Variants in RB1 observed in about 807,000 individuals in gnomAD.
RB1 encodes RB transcriptional corepressor 1.
A neutral mutation model predicts 135.4 loss-of-function variants in RB1; 18 were observed. The observed-to-expected ratio is 0.13, with a 90% confidence interval of 0.09 to 0.20. RB1 has a LOEUF of 0.20. Ranked by LOEUF, RB1 falls within the 10% of genes least tolerant of loss-of-function variation. RB1 has a pLI of 1.00. For missense variants in RB1, 868 were observed against 1,110.0 expected (o/e 0.78, Z 3.10); for synonymous variants, 365 against 373.2 (o/e 0.98, Z 0.25).
Position 48,465,976 on chromosome 13 carries a change from G to C in RB1, c.2489+608G>C, listed in dbSNP as rs1036631827. 9.9e-3 allele frequency among the ~76,000 whole-genome samples: 1,424 copies of C among 144,406 alleles called. 24 individuals carry two copies. Among genetic ancestry groups the C allele is most frequent in the African/African-American group, 0.034 (1,360 of 40,280 alleles). The allele number at this position is 144,406 out of a possible 152,430, so 94.7% of individuals were successfully genotyped here. ...CAAACTGCAAGGCGGCAGCGAGGCT[G>C]GGGGAGGGGCGCCTGCCATTGCCCA... On this transcript the variant is annotated intron_variant, in intron 23 of 26. Coordinates refer to ENST00000267163, the MANE Select transcript of RB1 (RefSeq NM_000321.3).
At position 48,367,676 on chromosome 13, in the gene RB1, CTT is replaced by C. The variant is rs558194584; in HGVS notation, c.1049+75_1049+76del. The C allele has an allele frequency of 3.0e-4, 453 of 1,519,208 alleles. 2 individuals are homozygous for C. The African/African-American group carries it at 5.4e-3, about 18-fold the overall frequency. 94.1% of individuals were successfully genotyped at this position (1,519,208 alleles called of 1,614,324 possible). Reference sequence around the variant, plus strand: ...TACTGATATAGGTAGATTATATAGTCTTTAGCTTAGTGACCTTTAGATATCAT... The same window carrying C: ...TACTGATATAGGTAGATTATATAGTCTAGCTTAGTGACCTTTAGATATCAT... On this transcript the variant is annotated intron_variant, in intron 10 of 26. Transcript: ENST00000267163.
At chr13:48,329,020 C>G (rs1044082009) in intron 2 of RB1, among the ~76,000 whole-genome samples, 4 of 151,994 alleles carry the variant, frequency 2.6e-5, no homozygotes, top group Non-Finnish European at 5.9e-5. Context: ...ATTTTAAAGG[C>G]CTGATAGTCA....
intron 2 of RB1, among the ~76,000 whole-genome samples, chr13:48,312,962 A>G (rs542474561): frequency 2.0e-5 from 3 of 152,086 alleles, no homozygotes; most frequent in South Asian, 4.1e-4. Context: ...ACACCCTCCC[A>G]TGCTCCCACC....
chr13:48,459,121 C>CT (rs1949379811), intron 19 of RB1, among the ~76,000 whole-genome samples: 1 of 152,192 alleles, frequency 6.6e-6, no homozygotes, highest in Non-Finnish European at 1.5e-5. Context: ...TCCTCCACTA[C>CT]TTCCCACCTC....
intron 2 of RB1, among the ~76,000 whole-genome samples, chr13:48,321,083 C>G (rs1000351326): frequency 4.6e-5 from 7 of 152,132 alleles, no homozygotes; most frequent in African/African-American, 1.7e-4. Flanking sequence ...CCTCTCTCTG[C>G]TTTTTAAATA....
intron 17 of RB1, among the ~76,000 whole-genome samples, chr13:48,413,853 T>G (rs1439071445): frequency 6.6e-6 from 1 of 152,226 alleles, no homozygotes; most frequent in African/African-American, 2.4e-5. Flanking sequence ...TTTTTAACCT[T>G]AAATTGATTG....
chr13:48,402,730 T>A (rs79977660), intron 17 of RB1, among the ~76,000 whole-genome samples: 2,801 of 152,204 alleles, frequency 0.018, 106 homozygotes, highest in African/African-American at 0.065. Flanking sequence ...TGCAGGTCCA[T>A]TTTTTCCCCT....
chr13:48,314,224 T>A (rs1199896479), intron 2 of RB1, among the ~76,000 whole-genome samples: 2 of 152,190 alleles, frequency 1.3e-5, no homozygotes, highest in African/African-American at 2.4e-5. Context: ...TTTGTCAATT[T>A]CTGTTTTAAA....
At chr13:48,409,951 T>C (rs1319729824) in intron 17 of RB1, among the ~76,000 whole-genome samples, 2 of 152,200 alleles carry the variant, frequency 1.3e-5, no homozygotes, top group Admixed American at 1.3e-4. Context: ...TTTTCTAAAG[T>C]ATACCTCAGA....
intron 2 of RB1, chr13:48,333,123 T>C (rs908748310): frequency 1.0e-5 from 4 of 398,018 alleles, no homozygotes; most frequent in African/African-American, 8.2e-5. Context: ...TCTTATTGTA[T>C]AGATGTATCA....
chr13:48,313,951 G>A (rs1247986843), intron 2 of RB1, among the ~76,000 whole-genome samples: 4 of 151,970 alleles, frequency 2.6e-5, no homozygotes, highest in Admixed American at 2.6e-4. Flanking sequence ...GGGTTTCACT[G>A]TGTTAGCCAG....
chr13:48,321,776 A>G (rs1952244134), intron 2 of RB1, among the ~76,000 whole-genome samples: 1 of 152,118 alleles, frequency 6.6e-6, no homozygotes, highest in Non-Finnish European at 1.5e-5. Flanking sequence ...GAATGACATG[A>G]ACCCAGGAGG....
intron 17 of RB1, among the ~76,000 whole-genome samples, chr13:48,390,585 T>C (rs981438445): frequency 6.6e-6 from 1 of 152,096 alleles, no homozygotes; most frequent in Non-Finnish European, 1.5e-5. Context: ...CCTGGCTCAC[T>C]TAAAAAAAAA....
In RB1 at chr13:48,342,681, C is replaced by G; in HGVS notation, c.347C>G (p.Thr116Ser). The part of the protein sequence containing the change: ...AAVDLDEMSF[T>S]FTELQKNIEI... ...GTTGACCTAGATGAGATGTCGTTCA[C>G]TTTTACTGAGCTACAGAAAAACATA... The change falls in exon 3 of 27, where the codon ACT becomes AGT. Residue 116 changes from threonine (T) to serine (S), a missense_variant. This residue lies in a region of RB1 where 641 missense variants were observed against 791.3 expected (regional missense o/e 0.81). Transcript: ENST00000267163. 6.2e-7 allele frequency: 1 copy of G among 1,610,636 alleles called. No individual in the cohort carries two copies. Among genetic ancestry groups the G allele is most frequent in the Non-Finnish European group, 8.5e-7 (1 of 1,177,094 alleles).
rs915072398 is a variant in RB1, at chr13:48,474,940, AC to A, written c.2520+1552del. On this transcript the variant is annotated intron_variant, in intron 24 of 26. Coordinates refer to ENST00000267163, the MANE Select transcript of RB1 (RefSeq NM_000321.3). ...TTTAGAGACAGTGTCTCACTCTGTC[AC>A]CTACTTATTATAACCTCAAACTCCT... 6.0e-4 allele frequency among the ~76,000 whole-genome samples: 92 copies of A among 152,160 alleles called. 1 individual carries two copies. The highest frequency in any genetic ancestry group is 2.2e-3 in the African/African-American group (90 of 41,522).
intron 24 of RB1, 82 bp downstream of exon 24, chr13:48,473,472 C>T (rs776987501): frequency 8.1e-7 from 1 of 1,235,878 alleles, no homozygotes. Flanking sequence ...TTTGAATTTC[C>T]AAATGCAGTT....
Position 48,473,329 on chromosome 13 carries a change from T to C in RB1, c.2490-31T>C, listed in dbSNP as rs1269634847. On this transcript the variant is annotated intron_variant, in intron 23 of 26. Coordinates refer to ENST00000267163, the MANE Select transcript of RB1 (RefSeq NM_000321.3). ...TGCAAAATTGTATATGGTTTTTTATTACTAATTGGTATTTCATCTTAACTT... is the reference window on the plus strand; with the variant it reads ...TGCAAAATTGTATATGGTTTTTTATCACTAATTGGTATTTCATCTTAACTT... 6.5e-7 allele frequency: 1 copy of C among 1,531,960 alleles called. No homozygotes were observed. Among genetic ancestry groups the C allele is most frequent in the Non-Finnish European group, 9.0e-7 (1 of 1,107,868 alleles). The allele number at this position is 1,531,960 out of a possible 1,614,324, so 94.9% of individuals were successfully genotyped here. A position where few individuals can be genotyped will look rare whatever the true frequency, so the allele number is the denominator to read the frequency against.
intron 6 of RB1, among the ~76,000 whole-genome samples, chr13:48,354,567 A>G (rs1181580403): frequency 6.6e-6 from 1 of 152,202 alleles, no homozygotes; most frequent in Non-Finnish European, 1.5e-5. Context: ...CATTCTTCAC[A>G]GAAATAGAAA....
intron 17 of RB1, among the ~76,000 whole-genome samples, chr13:48,390,726 C>T (rs1023348714): frequency 2.0e-5 from 3 of 152,196 alleles, no homozygotes; most frequent in Non-Finnish European, 4.4e-5. Flanking sequence ...CTTTATCCCT[C>T]GTAATATTGT....
Sources: gnomAD v4.1 joint callset for allele counts (sites outside exome capture counted in the v4.1 genomes callset) on GRCh38, gnomAD v4.1.1 for gene constraint, gnomAD v4.1.1 regional missense constraint, MANE v1.5 for transcripts, NCBI Gene and HGNC (gene_info 2026-07-23, HGNC 2026-07-21) for gene names.